The following GAB2 variants were observed in gnomAD, a reference collection of about 807,000 sequenced individuals.
The protein encoded by GAB2 is GRB2-associated-binding protein 2.
Under a neutral mutation model 65.5 loss-of-function variants are expected in GAB2, and 26 were observed. The observed-to-expected ratio is 0.40, with a 90% CI of 0.29 to 0.55. GAB2 has a LOEUF of 0.55. GAB2 is among the 20% of genes least tolerant of loss of function. The probability of loss-of-function intolerance (pLI) is 0.53; values close to 1 mark genes in which losing one functional copy is unlikely to be tolerated. For missense variants in GAB2, 884 were observed against 875.8 expected, an observed-to-expected ratio of 1.01 and a Z score of -0.12; for synonymous variants, 321 against 329.6, an observed-to-expected ratio of 0.97 and a Z score of 0.28.
chr11:78,244,782 A>G (rs966355275), intron 3 of GAB2, among the ~76,000 whole-genome samples: 10 of 152,206 alleles, frequency 6.6e-5, no homozygotes, highest in African/African-American at 2.2e-4. Flanking sequence ...CAGAAGAAAA[A>G]TAACAGATGC....
chr11:78,236,517 T>G (rs985196683), intron 3 of GAB2, among the ~76,000 whole-genome samples: 2 of 152,208 alleles, frequency 1.3e-5, no homozygotes, highest in African/African-American at 2.4e-5. Flanking sequence ...ATAGAAGTGG[T>G]AAGAACAGGT....
intron 1 of GAB2, among the ~76,000 whole-genome samples, chr11:78,292,842 C>T (rs531538349): frequency 6.6e-6 from 1 of 152,198 alleles, no homozygotes; most frequent in Non-Finnish European, 1.5e-5. Context: ...GCTTTCTACT[C>T]ATTATCACAT....
intron 1 of GAB2, among the ~76,000 whole-genome samples, chr11:78,294,986 C>T (rs1232721075): frequency 6.6e-6 from 1 of 152,136 alleles, no homozygotes; most frequent in Non-Finnish European, 1.5e-5. Context: ...TTGCAATCTA[C>T]TCATCTGACA....
intron 3 of GAB2, among the ~76,000 whole-genome samples, chr11:78,249,433 C>G (rs903438403): frequency 6.6e-6 from 1 of 152,224 alleles, no homozygotes; most frequent in African/African-American, 2.4e-5. Flanking sequence ...CTGGCAAAGC[C>G]TATCAGCTCT....
intron 1 of GAB2, among the ~76,000 whole-genome samples, chr11:78,307,072 T>A (rs1855376999): frequency 6.6e-6 from 1 of 152,164 alleles, no homozygotes; most frequent in Admixed American, 6.5e-5. Context: ...GAGACAGTAT[T>A]AATGGTCAAT....
At chr11:78,358,662 G>A (rs1240510049) in intron 1 of GAB2, among the ~76,000 whole-genome samples, 1 of 151,850 alleles carries the variant, frequency 6.6e-6, no homozygotes, top group East Asian at 1.9e-4. Context: ...TAGAATAAAT[G>A]TTTAACCTAG....
intron 1 of GAB2, among the ~76,000 whole-genome samples, chr11:78,392,672 C>T (rs758616728): frequency 1.3e-5 from 2 of 152,184 alleles, no homozygotes; most frequent in African/African-American, 4.8e-5. Flanking sequence ...CTGGGGAGAA[C>T]AGAGAGACTC....
chr11:78,380,213 C>CTT (rs11428219), intron 1 of GAB2, among the ~76,000 whole-genome samples: 10,263 of 148,588 alleles, frequency 0.069, 429 homozygotes, highest in African/African-American at 0.12. Context: ...TGAATGAGAA[C>CTT]TTTTTTTTTT....
rs147702709 is a variant in GAB2 at position 78,351,410 on chromosome 11, C to T, written c.75+66236G>A. ...TACTGTCATCCCTTTCATCAGGCACCTCTCTGGATTCCCAGGTGGCCCTGG... is the reference window on the plus strand; with the variant it reads ...TACTGTCATCCCTTTCATCAGGCACTTCTCTGGATTCCCAGGTGGCCCTGG... On this transcript the variant is annotated intron_variant, in intron 1 of 9. Transcript: ENST00000361507. 6.1e-3 allele frequency among the ~76,000 whole-genome samples: 923 copies of T among 152,264 alleles called. 9 individuals are homozygous for T. The highest frequency in any genetic ancestry group is 0.021 in the African/African-American group (869 of 41,540).
chr11:78,366,118 C>G (rs1856493931), intron 1 of GAB2, among the ~76,000 whole-genome samples: 1 of 152,144 alleles, frequency 6.6e-6, no homozygotes. Flanking sequence ...AACACAAACT[C>G]AATTCAATGC....
intron 2 of GAB2, among the ~76,000 whole-genome samples, chr11:78,261,075 A>G (rs1007202655): frequency 7.3e-6 from 1 of 136,072 alleles, no homozygotes. Context: ...ATGTATATAT[A>G]TATGTGTGTG....
At chr11:78,222,336 G>C (rs2134456834) in intron 6 of GAB2, 141 bp from the exon 7 acceptor site, 8 of 635,028 alleles carry the variant, frequency 1.3e-5, no homozygotes, top group Middle Eastern at 5.2e-4. Context: ...CGCTCAGCGA[G>C]GTTGTATAAT....
At chr11:78,402,554 C>T (rs550747410) in intron 1 of GAB2, among the ~76,000 whole-genome samples, 1 of 141,178 alleles carries the variant, frequency 7.1e-6, no homozygotes, top group Non-Finnish European at 1.5e-5. Flanking sequence ...CTCAGCCGCA[C>T]CCCCCCACCC....
Position 78,305,829 on chromosome 11 carries a change from A to C in GAB2, c.76-24928T>G, listed in dbSNP as rs529475541. 3.3e-5 allele frequency among the ~76,000 whole-genome samples: 5 copies of C among 152,360 alleles called. No homozygotes were observed. The South Asian group carries it at 1.0e-3, about 32-fold the overall frequency. On this transcript the variant is annotated intron_variant, in intron 1 of 9. Coordinates refer to ENST00000361507, the MANE Select transcript of GAB2 (RefSeq NM_080491.3). ...TCAGTTTCTCCCAAGACCTCAGAGC[A>C]AAAGTTTGCAGATTCCAACTGAGGA...
chr11:78,264,575 A>ATT (rs199764014), intron 2 of GAB2, among the ~76,000 whole-genome samples: 37 of 144,658 alleles, frequency 2.6e-4, no homozygotes, highest in East Asian at 8.0e-4. Flanking sequence ...TAATTTTTGT[A>ATT]TTTTTTTTTT....
chr11:78,410,088 T>C (rs781302372), intron 1 of GAB2, among the ~76,000 whole-genome samples: 1 of 152,118 alleles, frequency 6.6e-6, no homozygotes, highest in African/African-American at 2.4e-5. Flanking sequence ...CAAATAAAAA[T>C]TGAAAATGCA....
At position 78,280,742 on chromosome 11, in the gene GAB2, C is replaced by T; in HGVS notation, c.235G>A (p.Glu79Lys). The change falls in exon 2 of 10, where the codon GAG (glutamate) becomes AAG (lysine). Residue 79 changes from glutamate (E) to lysine (K), a missense_variant. Transcript: ENST00000361507. ...TCAAACACAAAACTATCCTGCAGCT[C>T]CTTCTTGTTAAAGGTCAGGCCTGCA... ...VDAGLTFNKK[E>K]LQDSFVFDIK... The T allele has an allele frequency of 6.2e-7, 1 of 1,614,166 alleles. No individual in the cohort carries two copies.
At chr11:78,404,807 A>G (rs1857019860) in intron 1 of GAB2, among the ~76,000 whole-genome samples, 1 of 152,266 alleles carries the variant, frequency 6.6e-6, no homozygotes, top group South Asian at 2.1e-4. Flanking sequence ...GTATAAAAAT[A>G]CAGTTAGAAG....
chr11:78,325,308 T>C (rs776578672), intron 1 of GAB2, among the ~76,000 whole-genome samples: 1 of 152,188 alleles, frequency 6.6e-6, no homozygotes, highest in African/African-American at 2.4e-5. Context: ...GACCATGCCA[T>C]GTGCTTAACC....
Sources: allele counts gnomAD v4.1 joint callset (sites outside exome capture counted in the v4.1 genomes callset), GRCh38; gene constraint gnomAD v4.1.1; transcripts MANE v1.5; gene names NCBI Gene and HGNC (gene_info 2026-07-23, HGNC 2026-07-21).